The following HS6ST3 variants were observed in gnomAD, a reference collection of about 807,000 sequenced individuals.
HS6ST3 encodes heparan-sulfate 6-O-sulfotransferase 3.
In HS6ST3, 12 loss-of-function variants were observed where a neutral mutation model predicts 36.7. The observed-to-expected ratio is 0.33, with a 90% CI of 0.21 to 0.53. HS6ST3 has a LOEUF of 0.53. Ranked by LOEUF, HS6ST3 falls within the 20% of genes least tolerant of loss-of-function variation. HS6ST3 has a pLI of 0.95. For synonymous variants in HS6ST3, 240 were observed against 257.5 expected, an observed-to-expected ratio of 0.93 and a Z score of 0.65; for missense variants, 584 against 640.9, an observed-to-expected ratio of 0.91 and a Z score of 0.96.
At chr13:96,333,132 A>G (rs2055081106) in intron 1 of HS6ST3, among the ~76,000 whole-genome samples, 1 of 152,236 alleles carries the variant, frequency 6.6e-6, no homozygotes, top group African/African-American at 2.4e-5. Context: ...GAATGGACCA[A>G]GACACATGGG....
At chr13:96,526,669 T>C (rs1287078421) in intron 1 of HS6ST3, among the ~76,000 whole-genome samples, 1 of 152,224 alleles carries the variant, frequency 6.6e-6, no homozygotes, top group Non-Finnish European at 1.5e-5. Flanking sequence ...AGTTGAACCC[T>C]TTTCTTATTT....
chr13:96,551,176 C>G (rs1468752016), intron 1 of HS6ST3, among the ~76,000 whole-genome samples: 1 of 152,176 alleles, frequency 6.6e-6, no homozygotes, highest in East Asian at 1.9e-4. Flanking sequence ...TAATAAATTT[C>G]TAGTGATCAG....
intron 1 of HS6ST3, among the ~76,000 whole-genome samples, chr13:96,450,529 A>G (rs2139485358): frequency 6.6e-6 from 1 of 152,242 alleles, no homozygotes; most frequent in Non-Finnish European, 1.5e-5. Context: ...GATTTCAATG[A>G]CTATTGAGTA....
intron 1 of HS6ST3, among the ~76,000 whole-genome samples, chr13:96,739,236 T>C (rs867738190): frequency 4.9e-5 from 7 of 143,138 alleles, no homozygotes; most frequent in Admixed American, 4.2e-4. Flanking sequence ...TGTGTGTGTG[T>C]GTGTGTGTGT....
chr13:96,317,891 G>A (rs1280396345), intron 1 of HS6ST3, among the ~76,000 whole-genome samples: 1 of 151,918 alleles, frequency 6.6e-6, no homozygotes. Context: ...CATGTCATTT[G>A]TTGGGGGGAG....
At chr13:96,281,317 C>T (rs2054775073) in intron 1 of HS6ST3, among the ~76,000 whole-genome samples, 1 of 152,104 alleles carries the variant, frequency 6.6e-6, no homozygotes, top group African/African-American at 2.4e-5. Context: ...AAATTTTTAT[C>T]TTTAAGAATA....
intron 1 of HS6ST3, among the ~76,000 whole-genome samples, chr13:96,648,714 A>G (rs756873743): frequency 1.1e-4 from 17 of 151,740 alleles, no homozygotes; most frequent in Non-Finnish European, 1.9e-4. Flanking sequence ...ATGTGTTCTC[A>G]TTGTTCAGCT....
chr13:96,583,910 C>T (rs1317266912), intron 1 of HS6ST3, among the ~76,000 whole-genome samples: 2 of 152,184 alleles, frequency 1.3e-5, no homozygotes, highest in African/African-American at 2.4e-5. Context: ...AGATGCTTAG[C>T]ATCCCTAGCC....
chr13:96,650,126 T>C (rs1459659472), intron 1 of HS6ST3, among the ~76,000 whole-genome samples: 1 of 151,984 alleles, frequency 6.6e-6, no homozygotes, highest in Non-Finnish European at 1.5e-5. Context: ...CCCACTTCTC[T>C]CAATGCTGAT....
intron 1 of HS6ST3, among the ~76,000 whole-genome samples, chr13:96,107,171 A>G (rs907242551): frequency 1.5e-4 from 23 of 152,150 alleles, no homozygotes; most frequent in African/African-American, 5.6e-4. Context: ...GGTCAATATT[A>G]TATGTTAAGG....
chr13:96,386,383 C>T (rs1399769911), intron 1 of HS6ST3, among the ~76,000 whole-genome samples: 2 of 152,146 alleles, frequency 1.3e-5, no homozygotes, highest in African/African-American at 4.8e-5. Flanking sequence ...GATGCCTTTG[C>T]CCTAAGCCAA....
chr13:96,207,308 A>T (rs1358764634), intron 1 of HS6ST3, among the ~76,000 whole-genome samples: 1 of 152,066 alleles, frequency 6.6e-6, no homozygotes, highest in Non-Finnish European at 1.5e-5. Context: ...AAAACAACAG[A>T]TGCTGGTTAA....
At chr13:96,791,887 C>A (rs1051462306) in intron 1 of HS6ST3, among the ~76,000 whole-genome samples, 2 of 151,902 alleles carry the variant, frequency 1.3e-5, no homozygotes, top group African/African-American at 4.8e-5. Context: ...ATGAGGCAAA[C>A]TAATATGGTT....
chr13:96,801,071 T>C (rs1878055873), intron 1 of HS6ST3, among the ~76,000 whole-genome samples: 1 of 152,078 alleles, frequency 6.6e-6, no homozygotes, highest in South Asian at 2.1e-4. Flanking sequence ...TGTCATTTGG[T>C]CTTTTAGCAG....
At position 96,689,111 on chromosome 13, in the gene HS6ST3, T is replaced by C. The variant is rs374295919; in HGVS notation, c.708-143379T>C. Among the ~76,000 whole-genome samples the C allele has an allele frequency of 3.9e-5, 6 of 152,234 alleles. No homozygotes were observed. In the South Asian group the frequency reaches 1.2e-3, roughly 32 times the overall value. ...ACTGGGGCAAGTTATTTAACTTCTCTTAGTTTCCTCTTCTGTAAAATGAGT... is the reference window on the plus strand; with the variant it reads ...ACTGGGGCAAGTTATTTAACTTCTCCTAGTTTCCTCTTCTGTAAAATGAGT... On this transcript the variant is annotated intron_variant, in intron 1 of 1. Coordinates refer to ENST00000376705, the MANE Select transcript of HS6ST3 (RefSeq NM_153456.4).
intron 1 of HS6ST3, among the ~76,000 whole-genome samples, chr13:96,828,581 C>G (rs1442442961): frequency 6.6e-6 from 1 of 152,088 alleles, no homozygotes; most frequent in Non-Finnish European, 1.5e-5. Flanking sequence ...TAATCTTGGG[C>G]AGCTTATTTT....
intron 1 of HS6ST3, among the ~76,000 whole-genome samples, chr13:96,704,716 A>G (rs1358107025): frequency 6.6e-6 from 1 of 152,038 alleles, no homozygotes; most frequent in African/African-American, 2.4e-5. Context: ...AAAAACTGGA[A>G]CGCCAGGTGG....
intron 1 of HS6ST3, among the ~76,000 whole-genome samples, chr13:96,351,572 A>G (rs1386493993): frequency 1.3e-5 from 2 of 152,130 alleles, no homozygotes; most frequent in East Asian, 3.9e-4. Context: ...TTAACCTCCC[A>G]AAGTGCTGGG....
At chr13:96,480,643 C>A (rs2055886160) in intron 1 of HS6ST3, among the ~76,000 whole-genome samples, 1 of 152,128 alleles carries the variant, frequency 6.6e-6, no homozygotes, top group Non-Finnish European at 1.5e-5. Flanking sequence ...ATCAGAGTGT[C>A]TTTTTGTACA....
Sources: allele counts gnomAD v4.1 joint callset (sites outside exome capture counted in the v4.1 genomes callset), GRCh38; gene constraint gnomAD v4.1.1; transcripts MANE v1.5; gene names NCBI Gene and HGNC (gene_info 2026-07-23, HGNC 2026-07-21).